The following MYO1B variants were observed in gnomAD, a reference collection of about 807,000 sequenced individuals.
The protein encoded by MYO1B is myosin IB.
Under a neutral mutation model 159.7 loss-of-function variants are expected in MYO1B, and 72 were observed. The observed-to-expected ratio is 0.45, with a 90% CI of 0.37 to 0.55. The LOEUF is 0.55. Ranked by LOEUF, MYO1B falls within the 20% of genes least tolerant of loss-of-function variation. The pLI, the probability that MYO1B is intolerant of heterozygous loss-of-function variation, is 0.00. For missense variants in MYO1B, 1,062 were observed against 1,364.8 expected, an observed-to-expected ratio of 0.78 and a Z score of 3.50; for synonymous variants, 468 against 473.8, an observed-to-expected ratio of 0.99 and a Z score of 0.16.
At chr2:191,391,311 T>G (rs1695735943) in intron 18 of MYO1B, among the ~76,000 whole-genome samples, 1 of 152,204 alleles carries the variant, frequency 6.6e-6, no homozygotes, top group African/African-American at 2.4e-5. Flanking sequence ...GCCTACACAT[T>G]ATTCTCACTG....
At chr2:191,358,751 A>G (rs968418419) in intron 7 of MYO1B, among the ~76,000 whole-genome samples, 3 of 152,240 alleles carry the variant, frequency 2.0e-5, no homozygotes, top group Non-Finnish European at 4.4e-5. Context: ...AGAGGACAGC[A>G]GCTCACCTCG....
At chr2:191,277,804 G>A (rs1452591953) in intron 2 of MYO1B, among the ~76,000 whole-genome samples, 1 of 152,152 alleles carries the variant, frequency 6.6e-6, no homozygotes, top group African/African-American at 2.4e-5. Context: ...TGTTTTGGAT[G>A]GGAGTAGTTT....
At chr2:191,396,542 T>G (rs1420332232) in intron 21 of MYO1B, 45 bp downstream of exon 21, 6 of 1,594,276 alleles carry the variant, frequency 3.8e-6, no homozygotes, top group Non-Finnish European at 4.3e-6. Flanking sequence ...GGTTTTCTGG[T>G]TTTTCACAAA....
At chr2:191,277,571 A>G (rs1334397006) in intron 2 of MYO1B, among the ~76,000 whole-genome samples, 3 of 152,258 alleles carry the variant, frequency 2.0e-5, no homozygotes, top group Non-Finnish European at 4.4e-5. Flanking sequence ...ATAAATATGT[A>G]TATGCTATAA....
In MYO1B at chr2:191,393,180, A is replaced by G. The variant is rs770270641; in HGVS notation, c.2184A>G (p.Lys728=). 12 of 1,614,044 alleles carry G rather than the reference A, an allele frequency of 7.4e-6. No homozygotes were observed. Among genetic ancestry groups the G allele is most frequent in the Non-Finnish European group, 9.3e-6 (11 of 1,180,010 alleles). The part of the protein sequence containing the change: ...WKCRTHFLLM[K]KSQIVIAAWY... ...GCCGCACACACTTCCTGCTAATGAA[A>G]AAAAGCCAAATTGTGATTGCCGCCT... Residue 728 remains lysine (K), a synonymous_variant, in exon 20 of 31, where the codon AAA becomes AAG. Coordinates refer to ENST00000392318, the MANE Select transcript of MYO1B (RefSeq NM_001130158.3).
In MYO1B at chr2:191,387,530, C is replaced by G. The variant is rs769250050; in HGVS notation, c.1781+80C>G. On this transcript the variant is annotated intron_variant, in intron 17 of 30. Transcript: ENST00000392318. ...ATATCATTTTTCCCTTTGCTTCAAT[C>G]TGAGTGTAGCCCAAGCAGAGGGTAA... is the stretch of plus-strand genomic sequence containing the variant. 2.4e-6 allele frequency: 3 copies of G among 1,236,988 alleles called. No individual in the cohort carries two copies. In the African/African-American group the frequency reaches 4.4e-5, roughly 18 times the overall value. The allele number at this position is 1,236,988 out of a possible 1,614,324, so 76.6% of individuals were successfully genotyped here. A position where few individuals can be genotyped will look rare whatever the true frequency, so the allele number is the denominator to read the frequency against.
chr2:191,281,549 G>A (rs936039664), intron 2 of MYO1B, among the ~76,000 whole-genome samples: 1 of 152,070 alleles, frequency 6.6e-6, no homozygotes, highest in Non-Finnish European at 1.5e-5. Context: ...ACCTTCTTCC[G>A]GCCTCCCCTC....
intron 7 of MYO1B, among the ~76,000 whole-genome samples, chr2:191,353,628 C>T (rs539384643): frequency 6.6e-6 from 1 of 152,260 alleles, no homozygotes; most frequent in South Asian, 2.1e-4. Flanking sequence ...TTGGGGCATA[C>T]CCGTGAGCCT....
rs553349751 is a variant in MYO1B, at chr2:191,261,416, C to T, written c.-9-15471C>T. On this transcript the variant is annotated intron_variant, in intron 1 of 30. Transcript: ENST00000392318. ...AAGTATCCTCACTGATATTATCAGT[C>T]ATTCATGATTGGTGGGTTAAGTTGT... Among the ~76,000 whole-genome samples the T allele has an allele frequency of 3.3e-5, 5 of 152,156 alleles. No individual in the cohort carries two copies. In the South Asian group the frequency reaches 1.0e-3, roughly 31 times the overall value.
intron 30 of MYO1B, among the ~76,000 whole-genome samples, chr2:191,418,159 C>A (rs1307054347): frequency 6.6e-6 from 1 of 152,174 alleles, no homozygotes. Context: ...GGTCCCTTCC[C>A]CAGGTGGCAC....
At position 191,346,265 on chromosome 2, in the gene MYO1B, G is replaced by A; in HGVS notation, c.481G>A (p.Asp161Asn). ...TGGAAATGCCAAAACTGTAAGGAAT[G>A]ACAACTCCTCTAGATTTGTAAGTAT... The part of the protein sequence containing the change: ...AFGNAKTVRN[D>N]NSSRFGKYMD... The change falls in exon 6 of 31, where the codon GAC (aspartate) becomes AAC (asparagine). Residue 161 changes from aspartate (D) to asparagine (N), a missense_variant. By Grantham distance (23) the Asp-to-Asn change is conservative. Around this residue, in one of 5 missense-constraint regions of MYO1B, gnomAD observed 415 missense variants for 544.0 expected, o/e 0.76. Coordinates refer to ENST00000392318, the MANE Select transcript of MYO1B (RefSeq NM_001130158.3). The A allele has an allele frequency of 1.9e-6, 3 of 1,572,708 alleles. No individual in the cohort carries two copies. The highest frequency in any genetic ancestry group is 2.6e-6 in the Non-Finnish European group (3 of 1,158,024).
chr2:191,245,999 C>T (rs1685766238), intron 1 of MYO1B: 1 of 152,380 alleles, frequency 6.6e-6, no homozygotes, highest in Non-Finnish European at 1.5e-5. Context: ...TGTTTCCTGG[C>T]CCCCTGGAAA....
At chr2:191,408,708 T>C (rs1181596334) in intron 25 of MYO1B, among the ~76,000 whole-genome samples, 1 of 152,224 alleles carries the variant, frequency 6.6e-6, no homozygotes, top group Non-Finnish European at 1.5e-5. Context: ...TTTAATTTAA[T>C]TTTAGTTACT....
intron 3 of MYO1B, among the ~76,000 whole-genome samples, chr2:191,316,505 AGT>A (rs144918104): frequency 8.6e-5 from 13 of 151,756 alleles, no homozygotes; most frequent in Admixed American, 4.6e-4. Context: ...TATGTGAGTG[AGT>A]GTGTGTGTGT....
At chr2:191,316,603 A>G (rs1458655892) in intron 3 of MYO1B, among the ~76,000 whole-genome samples, 1 of 152,222 alleles carries the variant, frequency 6.6e-6, no homozygotes, top group Non-Finnish European at 1.5e-5. Context: ...CTATTTGACA[A>G]TTTATAAAAA....
intron 2 of MYO1B, among the ~76,000 whole-genome samples, chr2:191,289,004 C>A (rs1426809132): frequency 6.6e-6 from 1 of 152,166 alleles, no homozygotes; most frequent in Admixed American, 6.5e-5. Context: ...TAAATATTGC[C>A]TTTTACATCA....
At chr2:191,399,611 A>C (rs1404702227) in intron 21 of MYO1B, among the ~76,000 whole-genome samples, 1 of 152,214 alleles carries the variant, frequency 6.6e-6, no homozygotes, top group Non-Finnish European at 1.5e-5. Context: ...GTCTGGATCC[A>C]GAGGGGTAGT....
intron 24 of MYO1B, 135 bp from the exon 25 acceptor site, chr2:191,407,980 A>G (rs1019185431): frequency 1.2e-5 from 6 of 511,156 alleles, no homozygotes; most frequent in African/African-American, 1.9e-5. Context: ...ATGTGTTTCA[A>G]TTATTTTACT....
intron 1 of MYO1B, among the ~76,000 whole-genome samples, chr2:191,250,182 T>A (rs1452686856): frequency 1.3e-5 from 2 of 152,212 alleles, no homozygotes; most frequent in Non-Finnish European, 2.9e-5. Context: ...CTATGACAGC[T>A]GTAGTGACCA....
Sources: gnomAD v4.1 joint callset for allele counts (sites outside exome capture counted in the v4.1 genomes callset) on GRCh38, gnomAD v4.1.1 for gene constraint, gnomAD v4.1.1 regional missense constraint, MANE v1.5 for transcripts, NCBI Gene and HGNC (gene_info 2026-07-23, HGNC 2026-07-21) for gene names.